Variants in SYNPR observed in about 807,000 individuals in gnomAD.
SYNPR encodes synaptoporin.
Under a neutral mutation model 32.9 loss-of-function variants are expected in SYNPR, and 23 were observed. The ratio of observed to expected loss-of-function variants is 0.70; its 90% CI spans 0.50 to 0.99. The LOEUF (loss-of-function observed/expected upper bound fraction) is 0.99, where lower values mean the gene tolerates loss of function less well. Among genes scored for constraint, SYNPR ranks in the 50% least tolerant of loss-of-function variants. The pLI, the probability that SYNPR is intolerant of heterozygous loss-of-function variation, is 0.00. For synonymous variants in SYNPR, 146 were observed against 135.9 expected, an observed-to-expected ratio of 1.07 and a Z score of -0.52; for missense variants, 318 against 349.3, an observed-to-expected ratio of 0.91 and a Z score of 0.71.
At chr3:63,284,099 T>C (rs538783795) in intron 2 of SYNPR, among the ~76,000 whole-genome samples, 6 of 152,324 alleles carry the variant, frequency 3.9e-5, no homozygotes, top group Non-Finnish European at 5.9e-5. Flanking sequence ...TGAGCTACCA[T>C]GCCCGACCCA....
At chr3:63,569,108 T>G (rs1292342370) in intron 4 of SYNPR, among the ~76,000 whole-genome samples, 2 of 152,184 alleles carry the variant, frequency 1.3e-5, no homozygotes, top group African/African-American at 4.8e-5. Context: ...TTTAACTCTG[T>G]TTCCCTTTGT....
intron 2 of SYNPR, among the ~76,000 whole-genome samples, chr3:63,305,106 G>C (rs545555730): frequency 1.1e-4 from 16 of 152,032 alleles, no homozygotes; most frequent in African/African-American, 3.9e-4. Flanking sequence ...CACTGATTTG[G>C]TGGTCTGCCT....
chr3:63,388,191 G>T (rs2088080876), intron 2 of SYNPR, among the ~76,000 whole-genome samples: 1 of 151,996 alleles, frequency 6.6e-6, no homozygotes. Flanking sequence ...CTCAACTAAG[G>T]TGACTCCTGA....
At chr3:63,571,573 A>C (rs1300806778) in intron 4 of SYNPR, among the ~76,000 whole-genome samples, 2 of 152,264 alleles carry the variant, frequency 1.3e-5, no homozygotes, top group African/African-American at 4.8e-5. Context: ...CTCAAAGAGA[A>C]GGAAGGAATT....
intron 3 of SYNPR, among the ~76,000 whole-genome samples, chr3:63,551,632 T>C (rs1257684905): frequency 6.6e-6 from 1 of 152,226 alleles, no homozygotes; most frequent in Non-Finnish European, 1.5e-5. Context: ...CTAGTGGATG[T>C]GAAGTAGTAT....
chr3:63,307,287 G>A (rs2086918249), intron 2 of SYNPR, among the ~76,000 whole-genome samples: 1 of 151,926 alleles, frequency 6.6e-6, no homozygotes, highest in African/African-American at 2.4e-5. Context: ...CCCATCCCCA[G>A]TTCTTATATT....
At chr3:63,562,637 G>A (rs1252728809) in intron 4 of SYNPR, among the ~76,000 whole-genome samples, 1 of 152,134 alleles carries the variant, frequency 6.6e-6, no homozygotes, top group African/African-American at 2.4e-5. Context: ...AACAATCCTG[G>A]GAGAGACGTA....
Position 63,438,033 on chromosome 3 carries a change from A to G in SYNPR, c.85-42799A>G, listed in dbSNP as rs114496921. Among the ~76,000 whole-genome samples, 1,102 of 152,296 alleles carry G rather than the reference A, an allele frequency of 7.2e-3. 18 individuals carry two copies. Among genetic ancestry groups the G allele is most frequent in the African/African-American group, 0.026 (1,060 of 41,554 alleles). ...CTTAGCCACATATATTCTGTCTCCA[A>G]ATAATTCTGTTTATCCCTTATTCAG... On this transcript the variant is annotated intron_variant, in intron 2 of 5. Transcript: ENST00000478300.
In SYNPR at chr3:63,278,351, C is replaced by A; in HGVS notation, c.-183C>A. The A allele has an allele frequency of 1.4e-6, 1 of 719,188 alleles. No homozygotes were observed. Among genetic ancestry groups the A allele is most frequent in the Non-Finnish European group, 2.2e-6 (1 of 446,962 alleles). The allele number at this position is 719,188 out of a possible 1,614,324, so 44.6% of individuals were successfully genotyped here. ...TCGCTTCCCCGACGCGCTGGGTTCC[C>A]GGAGCGCAGAGCCCAGCGTTAGCGG... On this transcript the variant is annotated 5_prime_UTR_variant, in exon 1 of 6. Coordinates refer to ENST00000478300, the MANE Select transcript of SYNPR (RefSeq NM_001130003.2).
intron 2 of SYNPR, among the ~76,000 whole-genome samples, chr3:63,371,554 A>G (rs1289972706): frequency 6.6e-6 from 1 of 152,202 alleles, no homozygotes; most frequent in Non-Finnish European, 1.5e-5. Context: ...TCCCAGAGGG[A>G]GATGCAAGCC....
At chr3:63,274,584 C>T (rs1489173543), upstream of SYNPR, among the ~76,000 whole-genome samples, 1 of 152,166 alleles carries the variant, frequency 6.6e-6, no homozygotes, top group East Asian at 1.9e-4. Flanking sequence ...CTAAATTGGG[C>T]TGAATGTATT....
intron 2 of SYNPR, among the ~76,000 whole-genome samples, chr3:63,415,490 A>C (rs908173121): frequency 1.3e-5 from 2 of 152,184 alleles, no homozygotes; most frequent in Admixed American, 1.3e-4. Flanking sequence ...CATATGTGAC[A>C]GTTTTTTTCT....
At chr3:63,217,664 G>A in the SYNPR span, among the ~76,000 whole-genome samples, 15 of 151,390 alleles carry the variant, frequency 9.9e-5, no homozygotes, top group South Asian at 2.1e-4. Flanking sequence ...GAAATCACCC[G>A]TCTTCTGCGT....
intron 3 of SYNPR, among the ~76,000 whole-genome samples, chr3:63,501,615 TG>T (rs1248595747): frequency 6.6e-6 from 1 of 152,122 alleles, no homozygotes; most frequent in Non-Finnish European, 1.5e-5. Flanking sequence ...ATAAATATGA[TG>T]AGCCTTTGCT....
At chr3:63,230,099 T>C (rs2086156013) in intron 1 of SYNPR, among the ~76,000 whole-genome samples, 1 of 152,220 alleles carries the variant, frequency 6.6e-6, no homozygotes, top group Admixed American at 6.5e-5. Flanking sequence ...CTAGTGGTTT[T>C]GTTTTCCCTC....
chr3:63,581,912 C>T (rs192532477), intron 4 of SYNPR, among the ~76,000 whole-genome samples: 1 of 152,178 alleles, frequency 6.6e-6, no homozygotes, highest in East Asian at 1.9e-4. Flanking sequence ...TTAAGCTAGA[C>T]ACAATTACTT....
chr3:63,326,690 C>G (rs2087172317), intron 2 of SYNPR, among the ~76,000 whole-genome samples: 1 of 152,096 alleles, frequency 6.6e-6, no homozygotes, highest in South Asian at 2.1e-4. Flanking sequence ...TCAGTGTCTT[C>G]TGCATTATTT....
At chr3:63,477,854 C>A (rs1559511219) in intron 2 of SYNPR, among the ~76,000 whole-genome samples, 1 of 152,194 alleles carries the variant, frequency 6.6e-6, no homozygotes, top group Non-Finnish European at 1.5e-5. Context: ...GAAGTTACAC[C>A]TTTTCCAGAC....
chr3:63,610,444 T>C, intron 5 of SYNPR: 1 of 687,308 alleles, frequency 1.5e-6, no homozygotes, highest in East Asian at 2.7e-5. Flanking sequence ...ATAATTATCT[T>C]TGCTTCAAGA....
Sources: gnomAD v4.1 joint callset for allele counts (sites outside exome capture counted in the v4.1 genomes callset) on GRCh38, gnomAD v4.1.1 for gene constraint, MANE v1.5 for transcripts, NCBI Gene and HGNC (gene_info 2026-07-23, HGNC 2026-07-21) for gene names.